The following ZC3H3 variants were observed in gnomAD, a reference collection of about 807,000 sequenced individuals.
ZC3H3 encodes the protein zinc finger CCCH domain-containing protein 3.
ZC3H3 carries 36 observed loss-of-function variants against 77.3 expected under a neutral mutation model. That is an observed-to-expected ratio of 0.47 (90% CI 0.36 to 0.61). ZC3H3 has a LOEUF of 0.61. Among genes scored for constraint, ZC3H3 ranks in the 20% least tolerant of loss-of-function variants. The pLI is 0.00. For synonymous variants in ZC3H3, 626 were observed against 555.2 expected (o/e 1.13, Z -1.79); for missense variants, 1,331 against 1,312.2 (o/e 1.01, Z -0.22).
chr8:143,508,688 G>A (rs1198243708), intron 3 of ZC3H3, among the ~76,000 whole-genome samples: 1 of 152,062 alleles, frequency 6.6e-6, no homozygotes, highest in Non-Finnish European at 1.5e-5. Flanking sequence ...TTCCCTGGCA[G>A]CCCAAGGCTC....
At chr8:143,448,387 A>T (rs1819910763) in intron 9 of ZC3H3, among the ~76,000 whole-genome samples, 1 of 152,220 alleles carries the variant, frequency 6.6e-6, no homozygotes, top group Non-Finnish European at 1.5e-5. Context: ...TCCAAGATAC[A>T]ATGGAGGCAT....
chr8:143,502,575 T>C (rs1821558706), intron 4 of ZC3H3, among the ~76,000 whole-genome samples: 2 of 152,208 alleles, frequency 1.3e-5, no homozygotes, highest in African/African-American at 4.8e-5. Flanking sequence ...CCATTTGTAG[T>C]CAGATGGAAA....
At chr8:143,477,102 T>C (rs1392375495) in intron 4 of ZC3H3, among the ~76,000 whole-genome samples, 1 of 152,190 alleles carries the variant, frequency 6.6e-6, no homozygotes, top group Non-Finnish European at 1.5e-5. Context: ...CACTCAGCCC[T>C]GCAACCCCTC....
At chr8:143,468,152 G>A in intron 8 of ZC3H3, 57 bp downstream of exon 8, 1 of 1,576,942 alleles carries the variant, frequency 6.3e-7, no homozygotes, top group South Asian at 1.1e-5. Context: ...CGGAGGCCAG[G>A]TGGCTGAGGC....
At chr8:143,482,505 GCC>G (rs983024861) in intron 4 of ZC3H3, among the ~76,000 whole-genome samples, 4 of 152,178 alleles carry the variant, frequency 2.6e-5, no homozygotes, top group South Asian at 2.1e-4. Flanking sequence ...GGGTCAGGAG[GCC>G]CTGGTCAGTT....
chr8:143,498,432 C>T (rs890355049), intron 4 of ZC3H3, among the ~76,000 whole-genome samples: 2 of 152,170 alleles, frequency 1.3e-5, no homozygotes, highest in Non-Finnish European at 2.9e-5. Flanking sequence ...GAGTGTGGCC[C>T]GCTCACCGGT....
chr8:143,467,427 C>T (rs772523008), intron 8 of ZC3H3, among the ~76,000 whole-genome samples: 1 of 152,166 alleles, frequency 6.6e-6, no homozygotes, highest in African/African-American at 2.4e-5. Context: ...ACCCGAAACT[C>T]GATGTGAATT....
chr8:143,452,417 C>A (rs534442149), intron 9 of ZC3H3, among the ~76,000 whole-genome samples: 8 of 152,290 alleles, frequency 5.3e-5, no homozygotes, highest in Admixed American at 5.2e-4. Flanking sequence ...GGCAGCCCCT[C>A]CACCCAACAG....
At chr8:143,484,178 T>C (rs1820985255) in intron 4 of ZC3H3, among the ~76,000 whole-genome samples, 1 of 152,200 alleles carries the variant, frequency 6.6e-6, no homozygotes, top group Non-Finnish European at 1.5e-5. Context: ...GCCCCTGGGC[T>C]GACTCGTGGG....
rs1178437327 is a variant in ZC3H3 at position 143,507,845 on chromosome 8, C to T, written c.1616G>A (p.Arg539His). 2 of 1,610,484 alleles carry T rather than the reference C, an allele frequency of 1.2e-6. No homozygotes were observed. Among genetic ancestry groups the T allele is most frequent in the Non-Finnish European group, 1.7e-6 (2 of 1,178,560 alleles). ...CGGCGTCTTCTTGACAATGCGGTAG[C>T]GGGTCTTGATCACCTTGCTGGTGGG... The part of the protein sequence containing the change: ...TAPTSKVIKT[R>H]YRIVKKTPAS... The change falls in exon 4 of 12, where the codon CGC (arginine) becomes CAC (histidine). Residue 539 changes from arginine (R) to histidine (H), a missense_variant. This residue lies in a region of ZC3H3 where 978 missense variants were observed against 915.5 expected (regional missense o/e 1.07). Transcript: ENST00000262577.
intron 5 of ZC3H3, among the ~76,000 whole-genome samples, chr8:143,469,241 C>T (rs763058325): frequency 2.6e-5 from 4 of 152,208 alleles, no homozygotes; most frequent in African/African-American, 4.8e-5. Context: ...GCAGGACCCG[C>T]GGGGTCACTT....
At chr8:143,502,913 G>C (rs181572476) in intron 4 of ZC3H3, among the ~76,000 whole-genome samples, 1 of 152,226 alleles carries the variant, frequency 6.6e-6, no homozygotes, top group South Asian at 2.1e-4. Context: ...CCTGGGGCCC[G>C]GGGGAGGGCT....
At chr8:143,510,784 G>A (rs1296329150) in intron 3 of ZC3H3, among the ~76,000 whole-genome samples, 1 of 151,980 alleles carries the variant, frequency 6.6e-6, no homozygotes, top group Non-Finnish European at 1.5e-5. Flanking sequence ...TATTTAGATA[G>A]GATGTTGGTT....
At chr8:143,444,030 A>G (rs1819810518) in intron 9 of ZC3H3, among the ~76,000 whole-genome samples, 1 of 146,902 alleles carries the variant, frequency 6.8e-6, no homozygotes, top group African/African-American at 2.5e-5. Flanking sequence ...GCTGGAGTGC[A>G]GTGGCACGAT....
At chr8:143,472,451 G>C (rs1036239921) in intron 5 of ZC3H3, among the ~76,000 whole-genome samples, 4 of 152,226 alleles carry the variant, frequency 2.6e-5, no homozygotes, top group Non-Finnish European at 5.9e-5. Context: ...AGACACAGCA[G>C]CACCACAGCC....
chr8:143,514,360 C>T (rs1563871972), intron 3 of ZC3H3, among the ~76,000 whole-genome samples: 2 of 152,212 alleles, frequency 1.3e-5, no homozygotes, highest in Non-Finnish European at 2.9e-5. Context: ...CTGGTCTCCC[C>T]AGTGTCTGCA....
intron 9 of ZC3H3, among the ~76,000 whole-genome samples, chr8:143,458,238 G>A (rs1272123740): frequency 3.3e-5 from 5 of 152,190 alleles, no homozygotes; most frequent in Non-Finnish European, 2.9e-5. Flanking sequence ...TAGATGAAAT[G>A]GACCAGTTCC....
At chr8:143,501,552 C>G (rs904490791) in intron 4 of ZC3H3, among the ~76,000 whole-genome samples, 2 of 151,756 alleles carry the variant, frequency 1.3e-5, no homozygotes, top group African/African-American at 4.8e-5. Context: ...CCTCTGATCA[C>G]GGGTGTGAGC....
rs747402731 is a variant in ZC3H3, at chr8:143,454,151, G to A, written c.2307+11566C>T. On this transcript the variant is annotated intron_variant, in intron 9 of 11. Transcript: ENST00000262577. The stretch of plus-strand genomic sequence containing the variant: ...GGCTGGAGTGCAGTGGTGTGATCTC[G>A]GCTCACTGCAACCTCCATCTCCCGG... 1.9e-4 allele frequency among the ~76,000 whole-genome samples: 29 copies of A among 150,020 alleles called. 1 individual carries two copies. Among genetic ancestry groups the A allele is most frequent in the South Asian group, 2.1e-4 (1 of 4,760 alleles).
Sources: allele counts gnomAD v4.1 joint callset (sites outside exome capture counted in the v4.1 genomes callset), GRCh38; gene constraint gnomAD v4.1.1; regional missense constraint gnomAD v4.1.1; transcripts MANE v1.5; gene names NCBI Gene and HGNC (gene_info 2026-07-23, HGNC 2026-07-21).